KIRREL3: variants seen among roughly 807,000 people sequenced by gnomAD.
KIRREL3 encodes kirre like nephrin family adhesion molecule 3.
Under a neutral mutation model 89.7 loss-of-function variants are expected in KIRREL3, and 36 were observed. The observed-to-expected ratio is 0.40, with a 90% CI of 0.31 to 0.53. The LOEUF is 0.53. Among genes scored for constraint, KIRREL3 ranks in the 20% least tolerant of loss-of-function variants. The pLI, the probability that KIRREL3 is intolerant of heterozygous loss-of-function variation, is 0.49. For missense variants in KIRREL3, 864 were observed against 1,056.6 expected, an observed-to-expected ratio of 0.82 and a Z score of 2.53; for synonymous variants, 445 against 441.4, an observed-to-expected ratio of 1.01 and a Z score of -0.10.
rs1352535142 is a variant in KIRREL3 at position 126,990,168 on chromosome 11, T to C, written c.55+10287A>G. Among the ~76,000 whole-genome samples, 1 of 152,088 alleles carries C rather than the reference T, an allele frequency of 6.6e-6. No individual in the cohort carries two copies. Among genetic ancestry groups the C allele is most frequent in the Non-Finnish European group, 1.5e-5 (1 of 68,002 alleles). On this transcript the variant is annotated intron_variant, in intron 1 of 16. Transcript: ENST00000525144. This position sits in a 1 kb window ranked among gnomAD's most constrained non-coding sequence, Gnocchi z 6.3. ...CTGCTGGGGAGGACTCACCTTCACATACAGGAGAGAAACATCATCCCTGTG... is the reference window on the plus strand; with the variant it reads ...CTGCTGGGGAGGACTCACCTTCACACACAGGAGAGAAACATCATCCCTGTG...
rs190490619 is a variant in KIRREL3, at chr11:126,711,556, C to T, written c.56-148644G>A. ...CAGCCTGGGCGACAGAGCAAGACTC[C>T]GTCTCAAAAAAACCCAAAAAACAAC... On this transcript the variant is annotated intron_variant, in intron 1 of 16. Coordinates refer to ENST00000525144, the MANE Select transcript of KIRREL3 (RefSeq NM_032531.4). Among the ~76,000 whole-genome samples the T allele has an allele frequency of 4.6e-5, 7 of 152,130 alleles. No homozygotes were observed. In the East Asian group the frequency reaches 7.7e-4, roughly 17 times the overall value.
chr11:126,692,786 G>A (rs192160812), intron 1 of KIRREL3, among the ~76,000 whole-genome samples: 3 of 152,266 alleles, frequency 2.0e-5, no homozygotes, highest in African/African-American at 7.2e-5. Flanking sequence ...GGTCTAACAT[G>A]GTCAGATTCA....
chr11:126,582,980 A>G (rs1406489707), intron 1 of KIRREL3, among the ~76,000 whole-genome samples: 1 of 149,716 alleles, frequency 6.7e-6, no homozygotes, highest in Non-Finnish European at 1.5e-5. Context: ...GGCAGAGCAC[A>G]GCAGAAATGC....
At chr11:126,533,667 G>A (rs1243690854) in intron 2 of KIRREL3, among the ~76,000 whole-genome samples, 1 of 152,174 alleles carries the variant, frequency 6.6e-6, no homozygotes, top group East Asian at 1.9e-4. Flanking sequence ...GACTGGACAA[G>A]CCCCTTGGGA....
intron 1 of KIRREL3, among the ~76,000 whole-genome samples, chr11:126,930,737 A>T (rs993621761): frequency 1.1e-4 from 17 of 152,102 alleles, no homozygotes; most frequent in African/African-American, 4.1e-4. Flanking sequence ...AACCCCCTCC[A>T]TATCCAGTGC....
At chr11:126,813,063 C>G (rs1401452511) in intron 1 of KIRREL3, among the ~76,000 whole-genome samples, 1 of 152,200 alleles carries the variant, frequency 6.6e-6, no homozygotes. Flanking sequence ...CCAGTTTAGA[C>G]TCAGAAACTG....
At chr11:126,790,931 C>A (rs1348798186) in intron 1 of KIRREL3, among the ~76,000 whole-genome samples, 1 of 152,142 alleles carries the variant, frequency 6.6e-6, no homozygotes, top group African/African-American at 2.4e-5. Flanking sequence ...GCCTATTGTG[C>A]TCTGCTTAGA....
intron 4 of KIRREL3, among the ~76,000 whole-genome samples, chr11:126,509,531 T>C (rs932726288): frequency 9.2e-5 from 14 of 152,210 alleles, no homozygotes; most frequent in African/African-American, 2.9e-4. Context: ...TTCCTTTTTT[T>C]CCCCAGCCAT....
Position 126,969,594 on chromosome 11 carries a change from T to G in KIRREL3, c.55+30861A>C, listed in dbSNP as rs1057272268. 3.1e-4 allele frequency among the ~76,000 whole-genome samples: 47 copies of G among 151,894 alleles called. No individual in the cohort carries two copies. The highest frequency in any genetic ancestry group is 1.1e-3 in the African/African-American group (45 of 41,322). On this transcript the variant is annotated intron_variant, in intron 1 of 16. Coordinates refer to ENST00000525144, the MANE Select transcript of KIRREL3 (RefSeq NM_032531.4). This position sits in a 1 kb window ranked among gnomAD's most constrained non-coding sequence, Gnocchi z 4.9. ...ATCCCACAGGAGAACACAAGAAATA[T>G]CCCCACGGCACAGCCTACCCAAGTG...
intron 1 of KIRREL3, among the ~76,000 whole-genome samples, chr11:126,934,397 G>T (rs1948087773): frequency 1.3e-5 from 2 of 152,050 alleles, no homozygotes; most frequent in Non-Finnish European, 2.9e-5. Flanking sequence ...GTGACTTTGG[G>T]TTTTTCTATA....
In KIRREL3 at chr11:126,614,280, AG is replaced by A. The variant is rs1322476935; in HGVS notation, c.56-51369del. ...CAGAATGTTAATTTCCAGGTAGCCTAGTAAAAGAGATACTAGATTGGAAGTC... is the reference window on the plus strand; with the variant it reads ...CAGAATGTTAATTTCCAGGTAGCCTATAAAAGAGATACTAGATTGGAAGTC... On this transcript the variant is annotated intron_variant, in intron 1 of 16. Transcript: ENST00000525144. The surrounding 1 kb of genome is among the most constrained non-coding windows in gnomAD (Gnocchi z 4.6). Among the ~76,000 whole-genome samples, 1 of 152,168 alleles carries A rather than the reference AG, an allele frequency of 6.6e-6. No homozygotes were observed. Among genetic ancestry groups the A allele is most frequent in the Non-Finnish European group, 1.5e-5 (1 of 68,024 alleles).
rs1052764471 is a variant in KIRREL3, at chr11:126,516,360, A to T, written c.433+4955T>A. On this transcript the variant is annotated intron_variant, in intron 4 of 16. Transcript: ENST00000525144. This position sits in a 1 kb window ranked among gnomAD's most constrained non-coding sequence, Gnocchi z 4.9. ...TCTTAATAATTAATCTGATGCCAAC[A>T]TCCCCTCCTCCCACTTCTGATCCCC... 6.6e-6 allele frequency among the ~76,000 whole-genome samples: 1 copy of T among 152,026 alleles called. No individual in the cohort carries two copies. Among genetic ancestry groups the T allele is most frequent in the South Asian group, 2.1e-4 (1 of 4,820 alleles).
In KIRREL3 at chr11:126,431,061, G is replaced by A. The variant is rs1181144666; in HGVS notation, c.1696+358C>T. 15 of 1,299,400 alleles carry A rather than the reference G, an allele frequency of 1.2e-5. No individual in the cohort carries two copies. The highest frequency in any genetic ancestry group is 1.4e-5 in the Non-Finnish European group (14 of 1,025,266). The allele number at this position is 1,299,400 out of a possible 1,614,324, so 80.5% of individuals were successfully genotyped here. A position where few individuals can be genotyped will look rare whatever the true frequency, so the allele number is the denominator to read the frequency against. ...ATTTTTATTTTGTTGTAGAGATGGGGTCTCTCTAGACTAACAGCTCTTGTA... is the reference window on the plus strand; with the variant it reads ...ATTTTTATTTTGTTGTAGAGATGGGATCTCTCTAGACTAACAGCTCTTGTA... On this transcript the variant is annotated intron_variant, in intron 14 of 16. Coordinates refer to ENST00000525144, the MANE Select transcript of KIRREL3 (RefSeq NM_032531.4). The surrounding 1 kb of genome is among the most constrained non-coding windows in gnomAD (Gnocchi z 7.1).
chr11:126,460,663 C>G (rs1009248576), intron 6 of KIRREL3, among the ~76,000 whole-genome samples: 3 of 152,154 alleles, frequency 2.0e-5, no homozygotes, highest in African/African-American at 4.8e-5. Context: ...CTGGCAAGAC[C>G]CAGTGTCCTC....
At chr11:126,545,254 G>T (rs1938720677) in intron 2 of KIRREL3, among the ~76,000 whole-genome samples, 1 of 152,182 alleles carries the variant, frequency 6.6e-6, no homozygotes, top group Non-Finnish European at 1.5e-5. Context: ...CAGAGATAGT[G>T]GTGTCCTCGT....
chr11:126,559,676 C>CT (rs968122474), intron 2 of KIRREL3, among the ~76,000 whole-genome samples: 119 of 144,622 alleles, frequency 8.2e-4, no homozygotes, highest in Non-Finnish European at 7.8e-4. Flanking sequence ...TCTTACTCTA[C>CT]TTTTTTTTTT....
intron 2 of KIRREL3, among the ~76,000 whole-genome samples, chr11:126,529,523 G>T (rs4937147): frequency 6.6e-6 from 1 of 151,256 alleles, no homozygotes; most frequent in Non-Finnish European, 1.5e-5. Context: ...AGGCTTGGAG[G>T]TGTAGGATCC....
At chr11:126,790,645 G>A (rs551531958) in intron 1 of KIRREL3, among the ~76,000 whole-genome samples, 8 of 152,212 alleles carry the variant, frequency 5.3e-5, no homozygotes, top group South Asian at 2.1e-4. Context: ...TGAGGTGAAC[G>A]TAAACAACAT....
In KIRREL3 at chr11:126,696,244, G is replaced by A. The variant is rs757821510; in HGVS notation, c.56-133332C>T. ...TCCACTCCAGCCTGGGCCACTGAGC[G>A]AGACTCTATCTCAATTAAAAAAAAA... On this transcript the variant is annotated intron_variant, in intron 1 of 16. Coordinates refer to ENST00000525144, the MANE Select transcript of KIRREL3 (RefSeq NM_032531.4). The surrounding 1 kb of genome is among the most constrained non-coding windows in gnomAD (Gnocchi z 4.4). Among the ~76,000 whole-genome samples, 54 of 150,258 alleles carry A rather than the reference G, an allele frequency of 3.6e-4. No homozygotes were observed. The highest frequency in any genetic ancestry group is 7.4e-4 in the African/African-American group (30 of 40,790).
Sources: allele counts gnomAD v4.1 joint callset (sites outside exome capture counted in the v4.1 genomes callset), GRCh38; gene constraint gnomAD v4.1.1; non-coding constraint Gnocchi (gnomAD v3.1); transcripts MANE v1.5; gene names NCBI Gene and HGNC (gene_info 2026-07-23, HGNC 2026-07-21).